ARNT2: variants seen among roughly 807,000 people sequenced by gnomAD.
ARNT2 encodes the protein ARNT protein 2.
Under a neutral mutation model 91.7 loss-of-function variants are expected in ARNT2, and 36 were observed. The ratio of observed to expected loss-of-function variants is 0.39; its 90% confidence interval spans 0.30 to 0.52. The LOEUF (loss-of-function observed/expected upper bound fraction) is 0.52. ARNT2 is among the 20% of genes least tolerant of loss of function. ARNT2 has a pLI of 0.72. For synonymous variants in ARNT2, 365 were observed against 347.1 expected (o/e 1.05, Z -0.57); for missense variants, 775 against 939.3 (o/e 0.83, Z 2.29).
chr15:80,493,431 T>G (rs1897083461), intron 5 of ARNT2, among the ~76,000 whole-genome samples: 2 of 152,230 alleles, frequency 1.3e-5, no homozygotes, highest in South Asian at 4.1e-4. Context: ...GAGGCAGCCC[T>G]GTACCTTGGT....
At chr15:80,583,815 T>TA (rs1428441556) in intron 17 of ARNT2, among the ~76,000 whole-genome samples, 1 of 152,300 alleles carries the variant, frequency 6.6e-6, no homozygotes, top group Non-Finnish European at 1.5e-5. Flanking sequence ...ACTCTGTACT[T>TA]ACCATCATTT....
At chr15:80,514,130 G>A (rs1414965148) in intron 7 of ARNT2, among the ~76,000 whole-genome samples, 154 bp downstream of exon 7, 1 of 152,226 alleles carries the variant, frequency 6.6e-6, no homozygotes, top group Non-Finnish European at 1.5e-5. Flanking sequence ...AGAGAGAACA[G>A]GGAGTTGGGT....
intron 3 of ARNT2, among the ~76,000 whole-genome samples, chr15:80,461,244 G>A (rs1364892886): frequency 6.6e-6 from 1 of 152,220 alleles, no homozygotes; most frequent in Non-Finnish European, 1.5e-5. Context: ...AATACCCAAC[G>A]GTGTGGATAC....
chr15:80,474,632 T>C (rs780413666), intron 4 of ARNT2, among the ~76,000 whole-genome samples: 1 of 152,190 alleles, frequency 6.6e-6, no homozygotes, highest in African/African-American at 2.4e-5. Flanking sequence ...CCAAGCACTA[T>C]GTGTTGGGCC....
intron 1 of ARNT2, chr15:80,435,941 A>T (rs1694838291): frequency 6.6e-6 from 1 of 152,196 alleles, no homozygotes; most frequent in Admixed American, 6.5e-5. Flanking sequence ...TGCCATGCAC[A>T]TGTGCAATTG....
At chr15:80,563,486 C>T (rs541327546) in intron 12 of ARNT2, among the ~76,000 whole-genome samples, 2 of 152,216 alleles carry the variant, frequency 1.3e-5, no homozygotes, top group South Asian at 2.1e-4. Context: ...CCCTTCCCTT[C>T]GGTGCAAGGT....
At chr15:80,481,694 C>T (rs952560600) in intron 5 of ARNT2, among the ~76,000 whole-genome samples, 1 of 152,054 alleles carries the variant, frequency 6.6e-6, no homozygotes, top group Non-Finnish European at 1.5e-5. Context: ...GCCTGGGTGA[C>T]AGAGCGAGAC....
chr15:80,542,294 T>C (rs1897920132), intron 8 of ARNT2, among the ~76,000 whole-genome samples: 1 of 152,214 alleles, frequency 6.6e-6, no homozygotes, highest in South Asian at 2.1e-4. Context: ...AATGCATTCT[T>C]ACAGATGAAC....
chr15:80,523,989 T>G (rs1396465486), intron 8 of ARNT2, among the ~76,000 whole-genome samples: 1 of 152,094 alleles, frequency 6.6e-6, no homozygotes, highest in Non-Finnish European at 1.5e-5. Context: ...TGAGGGGGTG[T>G]CATATGAAGG....
intron 8 of ARNT2, among the ~76,000 whole-genome samples, chr15:80,547,309 T>G (rs537319577): frequency 6.6e-6 from 1 of 152,346 alleles, no homozygotes; most frequent in South Asian, 2.1e-4. Context: ...GTCATTGTAT[T>G]CTTTATCACT....
At chr15:80,472,202 A>T (rs1179510859) in intron 4 of ARNT2, among the ~76,000 whole-genome samples, 1 of 152,162 alleles carries the variant, frequency 6.6e-6, no homozygotes, top group East Asian at 1.9e-4. Context: ...CCTAAAAGTA[A>T]TGGAGGATTT....
At chr15:80,559,956 C>T (rs1337013844) in intron 11 of ARNT2, 1 of 152,552 alleles carries the variant, frequency 6.6e-6, no homozygotes, top group African/African-American at 2.4e-5. Flanking sequence ...AATCCCCCAT[C>T]ACATCTCAGG....
intron 1 of ARNT2, chr15:80,441,482 C>A (rs908255477): frequency 1.3e-6 from 1 of 779,156 alleles, no homozygotes; most frequent in Non-Finnish European, 1.6e-6. Context: ...GCCCTCACCC[C>A]CCTCCCAGCC....
intron 8 of ARNT2, among the ~76,000 whole-genome samples, chr15:80,539,536 A>G (rs574253821): frequency 1.2e-3 from 188 of 152,310 alleles, no homozygotes; most frequent in Non-Finnish European, 2.1e-3. Flanking sequence ...AAAAGTGAAG[A>G]ATCTGAGAGG....
chr15:80,422,962 T>C (rs1895880420), intron 1 of ARNT2, among the ~76,000 whole-genome samples: 1 of 152,216 alleles, frequency 6.6e-6, no homozygotes, highest in Non-Finnish European at 1.5e-5. Flanking sequence ...AGAATAAAAA[T>C]TTTAAAAAGA....
chr15:80,546,079 T>G (rs534935151), intron 8 of ARNT2, among the ~76,000 whole-genome samples: 2 of 152,326 alleles, frequency 1.3e-5, no homozygotes, highest in East Asian at 1.9e-4. Context: ...GAGATTAGAA[T>G]GTATACCAGT....
chr15:80,432,457 A>G (rs1896025093), intron 1 of ARNT2, among the ~76,000 whole-genome samples: 1 of 152,250 alleles, frequency 6.6e-6, no homozygotes, highest in Non-Finnish European at 1.5e-5. Context: ...ACATGTGGAA[A>G]TTATTTGAAA....
intron 8 of ARNT2, among the ~76,000 whole-genome samples, chr15:80,523,320 A>G (rs1897583430): frequency 6.6e-6 from 1 of 152,130 alleles, no homozygotes; most frequent in Non-Finnish European, 1.5e-5. Context: ...GGGTACAAAC[A>G]CAGACCCATC....
intron 5 of ARNT2, among the ~76,000 whole-genome samples, chr15:80,506,391 A>G (rs940308453): frequency 6.6e-6 from 1 of 152,250 alleles, no homozygotes; most frequent in Admixed American, 6.5e-5. Flanking sequence ...GCAAGAATCA[A>G]GGTGGCAGCA....
Sources: allele counts gnomAD v4.1 joint callset (sites outside exome capture counted in the v4.1 genomes callset), GRCh38; gene constraint gnomAD v4.1.1; transcripts MANE v1.5; gene names NCBI Gene and HGNC (gene_info 2026-07-23, HGNC 2026-07-21).